Variants in TRIM15 observed in about 807,000 individuals in gnomAD.
TRIM15 encodes the protein tripartite motif containing 15.
TRIM15 carries 35 observed loss-of-function variants against 35.8 expected under a neutral mutation model. The observed-to-expected ratio is 0.98, with a 90% CI of 0.75 to 1.30. The LOEUF (loss-of-function observed/expected upper bound fraction) is 1.30. Among genes scored for constraint, TRIM15 ranks in the 50% most tolerant of loss-of-function variants. The pLI is 0.00. For synonymous variants in TRIM15, 252 were observed against 249.8 expected (o/e 1.01, Z -0.08); for missense variants, 590 against 593.5 (o/e 0.99, Z 0.06).
chr6:30,169,560 A>T, intron 4 of TRIM15: 1 of 667,268 alleles, frequency 1.5e-6, no homozygotes, highest in South Asian at 1.5e-5. Context: ...CTATGAAATT[A>T]TTAGTACTTG....
At chr6:30,164,848 G>A (rs2857449) in intron 1 of TRIM15, among the ~76,000 whole-genome samples, 3,578 of 152,142 alleles carry the variant, frequency 0.024, 65 homozygotes, top group Middle Eastern at 0.044. Context: ...GAAAGTCCAA[G>A]GTCTTTAGCA....
chr6:30,169,299 C>T, intron 4 of TRIM15, 36 bp downstream of exon 4: 1 of 1,612,808 alleles, frequency 6.2e-7, no homozygotes, highest in Non-Finnish European at 8.5e-7. Flanking sequence ...TCCTTTTACT[C>T]AACATCAAGA....
chr6:30,164,507 G>A lies in TRIM15; in HGVS notation c.381+442G>A, dbSNP rs369356137. On this transcript the variant is annotated intron_variant, in intron 1 of 6. Coordinates refer to ENST00000376694, the MANE Select transcript of TRIM15 (RefSeq NM_033229.3). ...CTGCTAGCACTGCTCTTCTTCTTGA[G>A]AAAGGGAGGGTGGCAGTAGTCCAGA... Among the ~76,000 whole-genome samples the A allele has an allele frequency of 3.0e-4, 45 of 152,306 alleles. 5 individuals carry two copies. Among genetic ancestry groups the A allele is most frequent in the East Asian group, 2.5e-3 (13 of 5,178 alleles).
intron 1 of TRIM15, among the ~76,000 whole-genome samples, chr6:30,166,126 T>C (rs1773577183): frequency 6.6e-6 from 1 of 152,242 alleles, no homozygotes; most frequent in African/African-American, 2.4e-5. Flanking sequence ...CATTTGTCAA[T>C]TTAGGCTTTT....
chr6:30,163,656 G>A lies in TRIM15; in HGVS notation c.-29G>A, dbSNP rs766165034. ...GGAACTCGCGTGGGCTGAGGAGACC[G>A]GAGTGGACGGGCTGGGGAAGGCACC... On this transcript the variant is annotated 5_prime_UTR_variant, in exon 1 of 7. Transcript: ENST00000376694. The A allele has an allele frequency of 1.3e-6, 2 of 1,577,578 alleles. No homozygotes were observed. Among genetic ancestry groups the A allele is most frequent in the Non-Finnish European group, 1.7e-6 (2 of 1,160,560 alleles).
chr6:30,169,198 G>A, intron 3 of TRIM15, 43 bp from the exon 4 acceptor site: 2 of 1,612,682 alleles, frequency 1.2e-6, no homozygotes, highest in Non-Finnish European at 1.7e-6. Context: ...TGACAGGAAG[G>A]ACTTATGGAA....
rs1295149206 is a variant in TRIM15, at chr6:30,172,393, C to T, written c.*44C>T. 2 of 1,557,040 alleles carry T rather than the reference C, an allele frequency of 1.3e-6. No homozygotes were observed. Among genetic ancestry groups the T allele is most frequent in the Non-Finnish European group, 1.7e-6 (2 of 1,155,618 alleles). On this transcript the variant is annotated 3_prime_UTR_variant, in exon 7 of 7. Transcript: ENST00000376694. ...CGGCGAAGCGGAGACGGCGGCTCTC[C>T]GGGATCCAGCTCCGCCCCTGGCCAG... is the stretch of plus-strand genomic sequence containing the variant.
At chr6:30,167,113 T>G in intron 1 of TRIM15, 63 bp from the exon 2 acceptor site, 1 of 1,436,800 alleles carries the variant, frequency 7.0e-7, no homozygotes, top group Middle Eastern at 1.7e-4. Flanking sequence ...GATGTGATAG[T>G]TAATAATTGT....
rs746922209 is a variant in TRIM15 at position 30,167,211 on chromosome 6, G to A, written c.417G>A (p.Thr139=). Residue 139 remains threonine, a synonymous_variant, in exon 2 of 7, where the codon ACG becomes ACA. Transcript: ENST00000376694. The part of the protein sequence containing the change: ...RLRSRLEALS[T]ERDEIEDVKC... Reference sequence around the variant, plus strand: ...GGAGTCGACTGGAAGCTCTGAGCACGGAGAGAGATGAGATTGAGGATGTAA... The same window carrying A: ...GGAGTCGACTGGAAGCTCTGAGCACAGAGAGAGATGAGATTGAGGATGTAA... 2.4e-5 allele frequency: 39 copies of A among 1,612,990 alleles called. No individual in the cohort carries two copies. The highest frequency in any genetic ancestry group is 2.1e-4 in the South Asian group (19 of 91,090).
intron 6 of TRIM15, 142 bp downstream of exon 6, chr6:30,171,150 G>A (rs1437712469): frequency 3.4e-6 from 3 of 892,220 alleles, no homozygotes; most frequent in Admixed American, 2.4e-5. Context: ...TGAGACACTG[G>A]GCAAGTTATT....
At chr6:30,169,777 C>T in intron 4 of TRIM15, 1 of 348,538 alleles carries the variant, frequency 2.9e-6, no homozygotes, top group South Asian at 2.3e-5. Flanking sequence ...TGGCCCTTTC[C>T]TTCCCTGTCT....
At chr6:30,170,464 G>T (rs17194502) in intron 4 of TRIM15, 37 bp from the exon 5 acceptor site, 15,539 of 1,474,084 alleles carry the variant, frequency 0.011, 275 homozygotes, top group African/African-American at 0.081. Context: ...TTTGTTTTTG[G>T]AATTTGGACC....
rs1352256598 is a variant in TRIM15, at chr6:30,163,617, G to T, written c.-68G>T. ...TCTGCGATTCATGTAAGTGTGACTCGATTTCAGGGAAAGGGAACTCGCGTG... is the reference window on the plus strand; with the variant it reads ...TCTGCGATTCATGTAAGTGTGACTCTATTTCAGGGAAAGGGAACTCGCGTG... On this transcript the variant is annotated 5_prime_UTR_variant, in exon 1 of 7. Transcript: ENST00000376694. 14 of 1,521,288 alleles carry T rather than the reference G, an allele frequency of 9.2e-6. No homozygotes were observed. The highest frequency in any genetic ancestry group is 9.7e-6 in the Non-Finnish European group (11 of 1,134,330). 94.2% of individuals were successfully genotyped at this position (1,521,288 alleles called of 1,614,324 possible).
At chr6:30,168,623 G>A (rs1413644202) in intron 3 of TRIM15, 93 bp downstream of exon 3, 2 of 1,232,776 alleles carry the variant, frequency 1.6e-6, no homozygotes, top group Admixed American at 2.0e-5. Context: ...AGGCAGGAAA[G>A]GGAAGTGGAG....
In TRIM15 at chr6:30,172,056, G is replaced by T; in HGVS notation, c.1105G>T (p.Gly369Trp). The part of the protein sequence containing the change: ...DGGGCTVGVA[G>W]EGVRRKGEMG... ...CGGCGGCTGCACGGTGGGGGTGGCC[G>T]GGGAGGGGGTGAGGAGGAAGGGAGA... is the stretch of plus-strand genomic sequence containing the variant. The change falls in exon 7 of 7, where the codon GGG becomes TGG. Residue 369 changes from glycine to tryptophan, a missense_variant. Gly to Trp is a radical substitution (Grantham distance 184). Transcript: ENST00000376694. 1 of 1,569,686 alleles carries T rather than the reference G, an allele frequency of 6.4e-7. No homozygotes were observed. Among genetic ancestry groups the T allele is most frequent in the Non-Finnish European group, 8.6e-7 (1 of 1,157,586 alleles).
rs1194315760 is a variant in TRIM15 at position 30,167,377 on chromosome 6, A to T, written c.477+106A>T. ...TTTCCTGGCTGAAAAGAACTGACAA[A>T]CTGTTCTCGTTCACCTTCCTGTGGC... On this transcript the variant is annotated intron_variant, in intron 2 of 6. Transcript: ENST00000376694. 2.3e-5 allele frequency: 21 copies of T among 899,314 alleles called. 2 individuals are homozygous for T. Among genetic ancestry groups the T allele is most frequent in the Middle Eastern group, 2.5e-4 (1 of 4,034 alleles). The allele number at this position is 899,314 out of a possible 1,614,324, so 55.7% of individuals were successfully genotyped here. A position where few individuals can be genotyped will look rare whatever the true frequency, so the allele number is the denominator to read the frequency against.
Position 30,172,150 on chromosome 6 carries a change from C to T in TRIM15, c.1199C>T (p.Thr400Ile). The T allele has an allele frequency of 3.8e-6, 6 of 1,590,502 alleles. No homozygotes were observed. The highest frequency in any genetic ancestry group is 5.1e-6 in the Non-Finnish European group (6 of 1,169,018). Residue 400 changes from threonine to isoleucine, a missense_variant, in exon 7 of 7, where the codon ACC (threonine) becomes ATC (isoleucine). Transcript: ENST00000376694. The stretch of plus-strand genomic sequence containing the variant: ...TCGCACCAGCAGTGCTGGGCCAGCA[C>T]CTCCCCGGGCACCGACCTGCCGCTG... ...IISHQQCWAS[T>I]SPGTDLPLSE...
intron 5 of TRIM15, 91 bp from the exon 6 acceptor site, chr6:30,170,885 C>G: frequency 6.9e-7 from 1 of 1,441,968 alleles, no homozygotes; most frequent in Non-Finnish European, 9.5e-7. Flanking sequence ...CTGTCCTCAT[C>G]TTCACATTGT....
chr6:30,164,220 T>C (rs1347433890), intron 1 of TRIM15, among the ~76,000 whole-genome samples, 155 bp downstream of exon 1: 5 of 152,136 alleles, frequency 3.3e-5, no homozygotes, highest in Admixed American at 3.3e-4. Context: ...TGAAGGCAGA[T>C]AGGGCTCCAC....
Sources: allele counts gnomAD v4.1 joint callset (sites outside exome capture counted in the v4.1 genomes callset), GRCh38; gene constraint gnomAD v4.1.1; transcripts MANE v1.5; gene names NCBI Gene and HGNC (gene_info 2026-07-23, HGNC 2026-07-21).